Variants in TMTC2 observed in about 807,000 individuals in gnomAD.
TMTC2 encodes protein O-mannosyl-transferase TMTC2.
In TMTC2, 43 loss-of-function variants were observed where a neutral mutation model predicts 82.4. That is an observed-to-expected ratio of 0.52 (90% CI 0.41 to 0.67). The LOEUF is 0.67. TMTC2 is among the 30% of genes least tolerant of loss of function. The pLI, the probability that TMTC2 is intolerant of heterozygous loss-of-function variation, is 0.00. For synonymous variants in TMTC2, 408 were observed against 381.9 expected, an observed-to-expected ratio of 1.07 and a Z score of -0.80; for missense variants, 919 against 1,012.4, an observed-to-expected ratio of 0.91 and a Z score of 1.25.
At chr12:82,704,721 C>T (rs780944835) in intron 1 of TMTC2, among the ~76,000 whole-genome samples, 19 of 150,446 alleles carry the variant, frequency 1.3e-4, no homozygotes, top group Admixed American at 3.3e-4. Flanking sequence ...CAGGAAATTA[C>T]TTCAGTTGTA....
intron 1 of TMTC2, among the ~76,000 whole-genome samples, chr12:82,723,626 A>G (rs1204234569): frequency 6.6e-6 from 1 of 152,188 alleles, no homozygotes; most frequent in African/African-American, 2.4e-5. Flanking sequence ...CATTTTGACT[A>G]TGGCCTGTCA....
At chr12:83,032,431 G>T (rs1881478006) in intron 9 of TMTC2, among the ~76,000 whole-genome samples, 1 of 151,250 alleles carries the variant, frequency 6.6e-6, no homozygotes, top group Non-Finnish European at 1.5e-5. Flanking sequence ...AAAAAGTATT[G>T]TGAGTTTTAC....
chr12:82,988,505 C>G (rs1189828697), intron 8 of TMTC2, among the ~76,000 whole-genome samples: 1 of 151,924 alleles, frequency 6.6e-6, no homozygotes, highest in East Asian at 1.9e-4. Flanking sequence ...GGAAAGGGGC[C>G]CTTAAGAGGT....
At chr12:83,089,840 C>CAAA (rs1381824863) in intron 11 of TMTC2, among the ~76,000 whole-genome samples, 5 of 141,126 alleles carry the variant, frequency 3.5e-5, no homozygotes, top group East Asian at 2.1e-4. Flanking sequence ...AAACAAAAAA[C>CAAA]AAAAAACAAA....
chr12:82,857,611 T>C (rs1348319637), intron 2 of TMTC2, 31 bp downstream of exon 2: 3 of 1,552,794 alleles, frequency 1.9e-6, no homozygotes, highest in African/African-American at 2.7e-5. Context: ...GAGCATTGGA[T>C]TACTGAGTAA....
chr12:82,807,264 TGTTA>T (rs916962536), intron 1 of TMTC2, among the ~76,000 whole-genome samples: 2 of 152,140 alleles, frequency 1.3e-5, no homozygotes, highest in African/African-American at 4.8e-5. Context: ...TGCATTTAAT[TGTTA>T]GTTTCCAAAC....
chr12:82,888,189 T>C (rs1302731436), intron 2 of TMTC2, among the ~76,000 whole-genome samples: 4 of 152,228 alleles, frequency 2.6e-5, no homozygotes, highest in Non-Finnish European at 4.4e-5. Flanking sequence ...AGAAACCCTG[T>C]CCATACTGGT....
At chr12:82,861,308 T>G (rs1482365746) in intron 2 of TMTC2, among the ~76,000 whole-genome samples, 1 of 152,204 alleles carries the variant, frequency 6.6e-6, no homozygotes, top group Non-Finnish European at 1.5e-5. Context: ...AGGTGTTGCT[T>G]AAGCTTGATT....
At chr12:82,719,083 A>T (rs1252797676) in intron 1 of TMTC2, among the ~76,000 whole-genome samples, 859 of 53,730 alleles carry the variant, frequency 0.016, 13 homozygotes, top group Admixed American at 0.027. Context: ...ATATATATAT[A>T]TATTTTTTTT....
At chr12:83,045,892 C>CTTGA (rs1882103332) in intron 9 of TMTC2, among the ~76,000 whole-genome samples, 1 of 152,092 alleles carries the variant, frequency 6.6e-6, no homozygotes, top group East Asian at 1.9e-4. Flanking sequence ...TCAGCACCTT[C>CTTGA]CTGATAAGAT....
At chr12:82,713,963 C>T (rs1276494343) in intron 1 of TMTC2, among the ~76,000 whole-genome samples, 3 of 152,198 alleles carry the variant, frequency 2.0e-5, no homozygotes, top group African/African-American at 7.2e-5. Context: ...AGCCTGTGTC[C>T]TAAGCATTTC....
At chr12:83,069,517 G>T (rs779490717) in intron 11 of TMTC2, among the ~76,000 whole-genome samples, 1 of 152,050 alleles carries the variant, frequency 6.6e-6, no homozygotes, top group Non-Finnish European at 1.5e-5. Flanking sequence ...GTCTATTCAT[G>T]TCCTTAGCCC....
At chr12:82,868,720 A>G (rs1223098690) in intron 2 of TMTC2, among the ~76,000 whole-genome samples, 1 of 150,662 alleles carries the variant, frequency 6.6e-6, no homozygotes, top group Non-Finnish European at 1.5e-5. Flanking sequence ...TTTTTGAAAA[A>G]AAAAGGGAGG....
intron 8 of TMTC2, among the ~76,000 whole-genome samples, chr12:83,028,383 G>C (rs1410146395): frequency 1.3e-5 from 2 of 152,054 alleles, no homozygotes; most frequent in Non-Finnish European, 2.9e-5. Context: ...AGAAAGTACA[G>C]AGTGTTCCCA....
In TMTC2 at chr12:82,956,701, G is replaced by A. The variant is rs190590292; in HGVS notation, c.1599-8323G>A. On this transcript the variant is annotated intron_variant, in intron 4 of 11. Coordinates refer to ENST00000321196, the MANE Select transcript of TMTC2 (RefSeq NM_152588.3). ...ACTCCTGACCTCAGGTGATCCGCCC[G>A]CCTTTGCCTCCCAAAATACTAGGAT... Among the ~76,000 whole-genome samples the A allele has an allele frequency of 3.2e-3, 481 of 152,134 alleles. 1 individual carries two copies. The highest frequency in any genetic ancestry group is 4.4e-3 in the Non-Finnish European group (298 of 67,990).
At chr12:82,927,011 G>C (rs1327782010) in intron 3 of TMTC2, among the ~76,000 whole-genome samples, 1 of 152,202 alleles carries the variant, frequency 6.6e-6, no homozygotes, top group African/African-American at 2.4e-5. Flanking sequence ...TAGTAACACA[G>C]TATTTGTTCT....
chr12:82,766,619 T>C (rs1159276060), intron 1 of TMTC2, among the ~76,000 whole-genome samples: 1 of 152,186 alleles, frequency 6.6e-6, no homozygotes, highest in Non-Finnish European at 1.5e-5. Flanking sequence ...TTATTCTAGA[T>C]CAAGTCCGAC....
At chr12:82,770,229 T>A (rs1877211902) in intron 1 of TMTC2, among the ~76,000 whole-genome samples, 2 of 152,188 alleles carry the variant, frequency 1.3e-5, no homozygotes, top group South Asian at 4.1e-4. Flanking sequence ...TTTAATATAA[T>A]ATGACTGTGG....
intron 4 of TMTC2, among the ~76,000 whole-genome samples, chr12:82,939,018 C>T (rs772482395): frequency 2.0e-5 from 3 of 152,144 alleles, no homozygotes; most frequent in East Asian, 1.9e-4. Flanking sequence ...TTCGTATAAT[C>T]GTCTTCATTT....
Sources: allele counts gnomAD v4.1 joint callset (sites outside exome capture counted in the v4.1 genomes callset), GRCh38; gene constraint gnomAD v4.1.1; transcripts MANE v1.5; gene names NCBI Gene and HGNC (gene_info 2026-07-23, HGNC 2026-07-21).